Variants in HOOK3 observed in about 807,000 individuals in gnomAD.
HOOK3 encodes hook microtubule tethering protein 3, also known as protein Hook homolog 3.
A neutral mutation model predicts 116.3 loss-of-function variants in HOOK3; 24 were observed. The ratio of observed to expected loss-of-function variants is 0.21; its 90% confidence interval spans 0.15 to 0.29. HOOK3 has a LOEUF of 0.29. HOOK3 is among the 10% of genes least tolerant of loss of function. HOOK3 has a pLI of 1.00. For missense variants in HOOK3, 632 were observed against 830.2 expected, an observed-to-expected ratio of 0.76 and a Z score of 2.93; for synonymous variants, 275 against 283.0, an observed-to-expected ratio of 0.97 and a Z score of 0.28.
chr8:42,976,875 G>A (rs1808840882), intron 13 of HOOK3, among the ~76,000 whole-genome samples: 1 of 152,052 alleles, frequency 6.6e-6, no homozygotes, highest in Non-Finnish European at 1.5e-5. Context: ...CCAGCCTAGG[G>A]ACAAAACAAA....
intron 1 of HOOK3, among the ~76,000 whole-genome samples, chr8:42,902,991 TG>T (rs1252274326): frequency 3.3e-5 from 5 of 152,236 alleles, no homozygotes; most frequent in Non-Finnish European, 5.9e-5. Context: ...AACTGTAGAA[TG>T]GAAGCAAGTG....
chr8:42,964,581 C>T, intron 9 of HOOK3, 107 bp downstream of exon 9: 2 of 972,004 alleles, frequency 2.1e-6, no homozygotes, highest in South Asian at 1.7e-5. Context: ...AATCCCAGCA[C>T]TTTGGGAGGC....
In HOOK3 at chr8:43,029,902, T is replaced by C; in HGVS notation, c.*11404T>C. On this transcript the variant is annotated 3_prime_UTR_variant, in exon 22 of 22. Coordinates refer to ENST00000307602, the MANE Select transcript of HOOK3 (RefSeq NM_032410.4). ...GTTCTGTGAATTGTTGTTAGTTTCA[T>C]ATTTGACATTGTAGTAATCCACCTT... The C allele has an allele frequency of 4.7e-6, 1 of 214,428 alleles. No homozygotes were observed. Among genetic ancestry groups the C allele is most frequent in the Non-Finnish European group, 9.4e-6 (1 of 106,230 alleles). The allele number at this position is 214,428 out of a possible 1,614,324, so 13.3% of individuals were successfully genotyped here.
In HOOK3 at chr8:42,930,104, TTC is replaced by T; in HGVS notation, c.217-10_217-9del. On this transcript the variant is annotated splice_polypyrimidine_tract_variant and intron_variant, in intron 3 of 21. Transcript: ENST00000307602. The stretch of plus-strand genomic sequence containing the variant: ...CTGTCTTGCCTTTTACCCAGTTGTT[TTC>T]TCTCTCTTTAAACAGATAAGCAATT... 6.4e-7 allele frequency: 1 copy of T among 1,551,524 alleles called. No homozygotes were observed. Among genetic ancestry groups the T allele is most frequent in the East Asian group, 2.3e-5 (1 of 43,208 alleles).
chr8:43,012,072 C>T (rs1809624529), intron 19 of HOOK3, among the ~76,000 whole-genome samples: 1 of 152,144 alleles, frequency 6.6e-6, no homozygotes, highest in South Asian at 2.1e-4. Flanking sequence ...CGTATCTGAT[C>T]AGAGACAGAA....
chr8:43,028,918 G>T lies in HOOK3; in HGVS notation c.*10420G>T. ...CAGTGTCGAATTCCAAGCAAGTTAT[G>T]ATGATTCTTATTGTAGTTCAAGTAC... On this transcript the variant is annotated 3_prime_UTR_variant, in exon 22 of 22. Coordinates refer to ENST00000307602, the MANE Select transcript of HOOK3 (RefSeq NM_032410.4). The T allele has an allele frequency of 4.9e-6, 1 of 202,364 alleles. No individual in the cohort carries two copies. Among genetic ancestry groups the T allele is most frequent in the Admixed American group, 6.0e-5 (1 of 16,756 alleles). The allele number at this position is 202,364 out of a possible 1,614,324, so 12.5% of individuals were successfully genotyped here. A position where few individuals can be genotyped will look rare whatever the true frequency, so the allele number is the denominator to read the frequency against.
intron 2 of HOOK3, among the ~76,000 whole-genome samples, chr8:42,917,529 T>G: frequency 6.6e-6 from 1 of 152,182 alleles, no homozygotes; most frequent in East Asian, 1.9e-4. Context: ...AGGAGCTCCT[T>G]ATGAATTACA....
Position 42,984,620 on chromosome 8 carries a change from G to T in HOOK3, c.1391+1924G>T, listed in dbSNP as rs1264447073. On this transcript the variant is annotated intron_variant, in intron 14 of 21. Transcript: ENST00000307602. The stretch of plus-strand genomic sequence containing the variant: ...GTTTTTTAAACTAAGAACAATGATA[G>T]GCCAGGTGTGGTGGCTCACATCCAA... Among the ~76,000 whole-genome samples, 3 of 152,144 alleles carry T rather than the reference G, an allele frequency of 2.0e-5. No homozygotes were observed. In the East Asian group the frequency reaches 5.8e-4, roughly 29 times the overall value.
intron 2 of HOOK3, among the ~76,000 whole-genome samples, chr8:42,919,416 C>T (rs1807604243): frequency 6.7e-6 from 1 of 148,298 alleles, no homozygotes; most frequent in Non-Finnish European, 1.5e-5. Context: ...CCCCACATCC[C>T]AGACGATGGG....
rs924472823 is a variant in HOOK3, at chr8:43,026,883, CTTTT to C, written c.*8391_*8394del. On this transcript the variant is annotated 3_prime_UTR_variant, in exon 22 of 22. Transcript: ENST00000307602. ...TATGAACTCAGCTGTTTTCTTTTTT[CTTTT>C]TTTTTCTTTTGAGATGGAGTCTCAC... The C allele has an allele frequency of 5.1e-6, 1 of 194,782 alleles. No individual in the cohort carries two copies. The highest frequency in any genetic ancestry group is 2.3e-5 in the African/African-American group (1 of 43,096). The allele number at this position is 194,782 out of a possible 1,614,324, so 12.1% of individuals were successfully genotyped here.
In HOOK3 at chr8:43,021,111, A is replaced by C. The variant is rs1258259690; in HGVS notation, c.*2613A>C. 1.1e-5 allele frequency: 2 copies of C among 185,566 alleles called. No individual in the cohort carries two copies. Among genetic ancestry groups the C allele is most frequent in the African/African-American group, 5.0e-5 (2 of 40,302 alleles). 11.5% of individuals were successfully genotyped at this position (185,566 alleles called of 1,614,324 possible). A position where few individuals can be genotyped will look rare whatever the true frequency, so the allele number is the denominator to read the frequency against. On this transcript the variant is annotated 3_prime_UTR_variant, in exon 22 of 22. Coordinates refer to ENST00000307602, the MANE Select transcript of HOOK3 (RefSeq NM_032410.4). Reference sequence around the variant, plus strand: ...AGCGAAACTCTGTCGCAAGAAAAAAAAAAAAAAAAAAAAAAAAAAAAACAG... The same window carrying C: ...AGCGAAACTCTGTCGCAAGAAAAAACAAAAAAAAAAAAAAAAAAAAAACAG...
chr8:42,951,352 G>A lies in HOOK3; in HGVS notation c.468+897G>A, dbSNP rs1251253834. ...GCTAGGATTACAGGCGTGAGCCACGGCGCCCGGCCAAATAATATCTATCTT... is the reference window on the plus strand; with the variant it reads ...GCTAGGATTACAGGCGTGAGCCACGACGCCCGGCCAAATAATATCTATCTT... On this transcript the variant is annotated intron_variant, in intron 6 of 21. Transcript: ENST00000307602. 5.3e-5 allele frequency among the ~76,000 whole-genome samples: 8 copies of A among 152,100 alleles called. No individual in the cohort carries two copies. In the East Asian group the frequency reaches 1.4e-3, roughly 26 times the overall value.
chr8:42,951,066 ATTAT>A (rs1012288473), intron 6 of HOOK3, among the ~76,000 whole-genome samples: 3 of 151,504 alleles, frequency 2.0e-5, no homozygotes, highest in Non-Finnish European at 4.4e-5. Flanking sequence ...AATAATATCT[ATTAT>A]TTATTTATTT....
At chr8:42,946,927 C>T (rs759088373) in intron 5 of HOOK3, among the ~76,000 whole-genome samples, 13 of 151,810 alleles carry the variant, frequency 8.6e-5, no homozygotes, top group East Asian at 5.8e-4. Flanking sequence ...CGTGCCACCA[C>T]GCCCGGCTAA....
intron 4 of HOOK3, among the ~76,000 whole-genome samples, 200 bp downstream of exon 4, chr8:42,930,372 T>C (rs559734898): frequency 2.4e-4 from 36 of 152,238 alleles, no homozygotes; most frequent in Non-Finnish European, 4.9e-4. Flanking sequence ...CACTGTATTA[T>C]AGGTAGTTTG....
intron 4 of HOOK3, among the ~76,000 whole-genome samples, chr8:42,934,390 A>G (rs1239198129): frequency 6.6e-6 from 1 of 151,610 alleles, no homozygotes; most frequent in Non-Finnish European, 1.5e-5. Flanking sequence ...TTTTACTTTC[A>G]TATGTTTTTT....
intron 1 of HOOK3, among the ~76,000 whole-genome samples, chr8:42,899,289 G>C (rs1291373058): frequency 6.6e-6 from 1 of 152,208 alleles, no homozygotes; most frequent in Non-Finnish European, 1.5e-5. Flanking sequence ...CAGCTGTAGA[G>C]AGGTCAGGGA....
At chr8:42,938,178 T>G (rs1436248698) in intron 4 of HOOK3, among the ~76,000 whole-genome samples, 1 of 152,152 alleles carries the variant, frequency 6.6e-6, no homozygotes, top group Non-Finnish European at 1.5e-5. Context: ...TTTGTTGGTT[T>G]ATAGTCTGTT....
At chr8:43,007,143 A>T (rs1809508500) in intron 17 of HOOK3, among the ~76,000 whole-genome samples, 2 of 145,178 alleles carry the variant, frequency 1.4e-5, no homozygotes, top group African/African-American at 5.2e-5. Context: ...TCTCCCTCCC[A>T]TGTAGCTGGG....
Sources: allele counts gnomAD v4.1 joint callset (sites outside exome capture counted in the v4.1 genomes callset), GRCh38; gene constraint gnomAD v4.1.1; transcripts MANE v1.5; gene names NCBI Gene and HGNC (gene_info 2026-07-23, HGNC 2026-07-21).